WDFY2: variants seen among roughly 807,000 people sequenced by gnomAD.
The protein encoded by WDFY2 is WD repeat and FYVE domain-containing protein 2.
Under a neutral mutation model 56.4 loss-of-function variants are expected in WDFY2, and 36 were observed. That is an observed-to-expected ratio of 0.64 (90% CI 0.49 to 0.84). The LOEUF (loss-of-function observed/expected upper bound fraction) is 0.84. WDFY2 is among the 40% of genes least tolerant of loss of function. WDFY2 has a pLI of 0.00. For missense variants in WDFY2, 444 were observed against 512.2 expected (o/e 0.87, Z 1.29); for synonymous variants, 176 against 183.7 (o/e 0.96, Z 0.34).
At chr13:51,746,867 T>C (rs1240174855) in intron 7 of WDFY2, among the ~76,000 whole-genome samples, 14 of 152,258 alleles carry the variant, frequency 9.2e-5, no homozygotes, top group Admixed American at 9.2e-4. Context: ...GTTCTATGAA[T>C]GAACTGTAAT....
intron 4 of WDFY2, among the ~76,000 whole-genome samples, chr13:51,712,778 C>T (rs1203710798): frequency 1.3e-5 from 2 of 150,766 alleles, no homozygotes; most frequent in East Asian, 3.9e-4. Flanking sequence ...TTATCAATAT[C>T]AGGAATGAGT....
Position 51,603,835 on chromosome 13 carries a change from G to T in WDFY2, c.137+19011G>T, listed in dbSNP as rs536401027. 1.2e-4 allele frequency among the ~76,000 whole-genome samples: 18 copies of T among 152,264 alleles called. No homozygotes were observed. In the East Asian group the frequency reaches 3.3e-3, roughly 28 times the overall value. ...TCTTTGTAAAGCTTTATTATTAGGG[G>T]TTGCTGACTCATATGGCCTTAGGCA... On this transcript the variant is annotated intron_variant, in intron 1 of 11. Coordinates refer to ENST00000298125, the MANE Select transcript of WDFY2 (RefSeq NM_052950.4).
Position 51,684,973 on chromosome 13 carries a change from C to G in WDFY2, c.279+9730C>G, listed in dbSNP as rs539921578. Among the ~76,000 whole-genome samples, 169 of 152,262 alleles carry G rather than the reference C, an allele frequency of 1.1e-3. 1 individual carries two copies. The highest frequency in any genetic ancestry group is 2.1e-3 in the Non-Finnish European group (145 of 68,018). On this transcript the variant is annotated intron_variant, in intron 3 of 11. Coordinates refer to ENST00000298125, the MANE Select transcript of WDFY2 (RefSeq NM_052950.4). ...AATCACTTTTAGAAAAATGAAGCTC[C>G]AAGCCCTTCATTCTCCCCACTTGGT...
intron 6 of WDFY2, among the ~76,000 whole-genome samples, chr13:51,732,826 G>A (rs1314950469): frequency 2.6e-5 from 4 of 152,198 alleles, no homozygotes. Context: ...GGAAATGTGG[G>A]TGAATAAAAC....
chr13:51,691,839 T>C (rs999496948), intron 3 of WDFY2, among the ~76,000 whole-genome samples: 11 of 152,002 alleles, frequency 7.2e-5, no homozygotes, highest in Non-Finnish European at 1.6e-4. Flanking sequence ...GCATGGAATG[T>C]TCTTCCATTT....
chr13:51,637,108 GT>G (rs941165805), intron 1 of WDFY2, among the ~76,000 whole-genome samples: 1 of 152,214 alleles, frequency 6.6e-6, no homozygotes, highest in African/African-American at 2.4e-5. Flanking sequence ...AGGTGTGTTA[GT>G]TTTGCAGGTG....
At chr13:51,616,013 G>A (rs1954604322) in intron 1 of WDFY2, among the ~76,000 whole-genome samples, 1 of 152,194 alleles carries the variant, frequency 6.6e-6, no homozygotes, top group African/African-American at 2.4e-5. Context: ...GGAGGCCCAG[G>A]CAGGAGGATC....
intron 1 of WDFY2, among the ~76,000 whole-genome samples, chr13:51,616,719 G>T (rs951875864): frequency 3.3e-5 from 5 of 152,184 alleles, no homozygotes; most frequent in East Asian, 3.9e-4. Flanking sequence ...CATGGTCGTG[G>T]CTAAATTTAA....
rs76148359 is a variant in WDFY2, at chr13:51,681,338, C to T, written c.279+6095C>T. On this transcript the variant is annotated intron_variant, in intron 3 of 11. Transcript: ENST00000298125. ...TTCTGAAATTTTCTGTTTTCCAGGACTTCTAGTGTGATACCATTTATGAAT... is the reference window on the plus strand; with the variant it reads ...TTCTGAAATTTTCTGTTTTCCAGGATTTCTAGTGTGATACCATTTATGAAT... 4.9e-3 allele frequency among the ~76,000 whole-genome samples: 752 copies of T among 152,254 alleles called. 5 individuals carry two copies. Among genetic ancestry groups the T allele is most frequent in the African/African-American group, 0.014 (591 of 41,552 alleles).
At chr13:51,624,911 TTAGGAGGCA>T (rs1471615025) in intron 1 of WDFY2, among the ~76,000 whole-genome samples, 3 of 152,168 alleles carry the variant, frequency 2.0e-5, no homozygotes, top group Non-Finnish European at 2.9e-5. Context: ...AAGGAGAGTA[TTAGGAGGCA>T]AGATTAGGGG....
At chr13:51,589,461 A>G (rs1266649064) in intron 1 of WDFY2, 1 of 152,086 alleles carries the variant, frequency 6.6e-6, no homozygotes, top group Non-Finnish European at 1.5e-5. Context: ...ATTTCATCTT[A>G]TGAATCCTCA....
chr13:51,699,684 A>G (rs192884959), intron 3 of WDFY2, among the ~76,000 whole-genome samples: 138 of 152,348 alleles, frequency 9.1e-4, no homozygotes, highest in South Asian at 1.7e-3. Flanking sequence ...ATAGTGTCCA[A>G]TGCTGATAAG....
At chr13:51,751,185 G>A in intron 7 of WDFY2, 125 bp from the exon 8 acceptor site, 2 of 731,328 alleles carry the variant, frequency 2.7e-6, no homozygotes, top group South Asian at 2.0e-5. Flanking sequence ...ATTCCAACAG[G>A]TTTCTAAGAT....
chr13:51,667,753 GTATAGGT>G (rs2138479207), intron 2 of WDFY2, among the ~76,000 whole-genome samples: 1 of 151,848 alleles, frequency 6.6e-6, no homozygotes, highest in East Asian at 1.9e-4. Context: ...TTTCTTTTTG[GTATAGGT>G]TATATTATGG....
chr13:51,719,392 T>A (rs759415040), intron 5 of WDFY2, 44 bp downstream of exon 5: 2 of 1,519,968 alleles, frequency 1.3e-6, no homozygotes, highest in Non-Finnish European at 1.8e-6. Flanking sequence ...AACTTAACTG[T>A]TGTTCTCTTT....
At chr13:51,621,011 C>G (rs949009553) in intron 1 of WDFY2, among the ~76,000 whole-genome samples, 8 of 152,126 alleles carry the variant, frequency 5.3e-5, no homozygotes, top group African/African-American at 1.7e-4. Flanking sequence ...CCATCAAGTC[C>G]TGTTGTTTTT....
chr13:51,715,199 T>G (rs1952316366), intron 4 of WDFY2, among the ~76,000 whole-genome samples: 1 of 152,158 alleles, frequency 6.6e-6, no homozygotes, highest in African/African-American at 2.4e-5. Flanking sequence ...TAAAAATATT[T>G]TTTCAATAAT....
At chr13:51,653,086 T>G (rs1955430047) in intron 1 of WDFY2, among the ~76,000 whole-genome samples, 1 of 152,232 alleles carries the variant, frequency 6.6e-6, no homozygotes, top group Admixed American at 6.5e-5. Flanking sequence ...CCATATTTCT[T>G]GGAGGCTTTG....
intron 1 of WDFY2, chr13:51,586,249 C>A (rs1593840463): frequency 5.1e-6 from 2 of 391,556 alleles, no homozygotes; most frequent in East Asian, 7.2e-5. Context: ...GGGATATATT[C>A]CATAAAATAT....
Sources: allele counts gnomAD v4.1 joint callset (sites outside exome capture counted in the v4.1 genomes callset), GRCh38; gene constraint gnomAD v4.1.1; transcripts MANE v1.5; gene names NCBI Gene and HGNC (gene_info 2026-07-23, HGNC 2026-07-21).